The following SEMA6D variants were observed in gnomAD, a reference collection of about 807,000 sequenced individuals.
The protein encoded by SEMA6D is semaphorin 6D, also known as semaphorin-6D.
A neutral mutation model predicts 106.6 loss-of-function variants in SEMA6D; 35 were observed. That is an observed-to-expected ratio of 0.33 (90% CI 0.25 to 0.44). The LOEUF is 0.44. Ranked by LOEUF, SEMA6D falls within the 20% of genes least tolerant of loss-of-function variation. The pLI, the probability that SEMA6D is intolerant of heterozygous loss-of-function variation, is 1.00. For missense variants in SEMA6D, 1,185 were observed against 1,345.9 expected, an observed-to-expected ratio of 0.88 and a Z score of 1.87; for synonymous variants, 499 against 487.7, an observed-to-expected ratio of 1.02 and a Z score of -0.31.
At chr15:47,612,536 T>C (rs2076928110) in intron 4 of SEMA6D, among the ~76,000 whole-genome samples, 1 of 152,200 alleles carries the variant, frequency 6.6e-6, no homozygotes. Context: ...CTCCTTTTCA[T>C]AGTTATTACT....
intron 1 of SEMA6D, among the ~76,000 whole-genome samples, chr15:47,744,453 T>A (rs73394846): frequency 0.025 from 3,842 of 151,964 alleles, 177 homozygotes; most frequent in African/African-American, 0.089. Context: ...TCCTACAATT[T>A]AAAAAAGATA....
intron 1 of SEMA6D, among the ~76,000 whole-genome samples, chr15:47,288,892 T>A (rs567016994): frequency 6.6e-6 from 1 of 152,322 alleles, no homozygotes; most frequent in Admixed American, 6.5e-5. Flanking sequence ...ATTGGGAGCA[T>A]ACTAATGCTT....
At chr15:47,282,395 A>G (rs528377311) in intron 1 of SEMA6D, among the ~76,000 whole-genome samples, 12 of 152,298 alleles carry the variant, frequency 7.9e-5, no homozygotes, top group African/African-American at 2.6e-4. Flanking sequence ...ATAGAATACT[A>G]TACAGCAGGG....
chr15:47,644,599 G>A (rs140346204), intron 4 of SEMA6D, among the ~76,000 whole-genome samples: 1,607 of 152,306 alleles, frequency 0.011, 18 homozygotes, highest in South Asian at 0.045. Flanking sequence ...CTTGATGGAG[G>A]GAGTAGCTTG....
intron 1 of SEMA6D, among the ~76,000 whole-genome samples, chr15:47,345,062 A>G (rs1395005403): frequency 6.6e-6 from 1 of 152,186 alleles, no homozygotes; most frequent in African/African-American, 2.4e-5. Context: ...ATATTGCTAA[A>G]GGAAATTAAA....
chr15:47,324,772 G>A lies in SEMA6D; in HGVS notation c.-238-87621G>A, dbSNP rs141101351. On this transcript the variant is annotated intron_variant, in intron 1 of 19. Coordinates refer to the SEMA6D transcript ENST00000558014. ...CGTGTGTATATATATAGTAATGTACGCTATTATACATGTGTATGTGTTTAT... is the reference window on the plus strand; with the variant it reads ...CGTGTGTATATATATAGTAATGTACACTATTATACATGTGTATGTGTTTAT... 6.9e-4 allele frequency among the ~76,000 whole-genome samples: 105 copies of A among 151,344 alleles called. 1 individual carries two copies. The highest frequency in any genetic ancestry group is 2.9e-3 in the Admixed American group (44 of 15,174).
chr15:47,459,180 G>A (rs8032515), intron 2 of SEMA6D, among the ~76,000 whole-genome samples: 55 of 152,198 alleles, frequency 3.6e-4, no homozygotes, highest in African/African-American at 1.3e-3. Context: ...TAGGCTTGAT[G>A]AATTGAGTGA....
At position 47,348,723 on chromosome 15, in the gene SEMA6D, C is replaced by CAGAG. The variant is rs1258338355; in HGVS notation, c.-238-63669_-238-63668insGAGA. ...CACACACACACACACACACACCACA[C>CAGAG]ACACAGAGAGAGAGAGAGAGAGAGA... On this transcript the variant is annotated intron_variant, in intron 1 of 19. Coordinates refer to the SEMA6D transcript ENST00000558014. Among the ~76,000 whole-genome samples, 216 of 45,548 alleles carry CAGAG rather than the reference C, an allele frequency of 4.7e-3. 9 individuals are homozygous for CAGAG. The highest frequency in any genetic ancestry group is 0.01 in the Middle Eastern group (1 of 96). The allele number at this position is 45,548 out of a possible 152,430, so 29.9% of individuals were successfully genotyped here. A position where few individuals can be genotyped will look rare whatever the true frequency, so the allele number is the denominator to read the frequency against.
intron 3 of SEMA6D, among the ~76,000 whole-genome samples, chr15:47,588,860 G>A (rs902071493): frequency 2.6e-5 from 4 of 152,152 alleles, no homozygotes; most frequent in African/African-American, 9.7e-5. Context: ...TTCTCGATCA[G>A]GGCAGTTTGT....
At chr15:47,606,802 C>T (rs1162348816) in intron 4 of SEMA6D, among the ~76,000 whole-genome samples, 1 of 152,182 alleles carries the variant, frequency 6.6e-6, no homozygotes, top group African/African-American at 2.4e-5. Flanking sequence ...CACATGTGAG[C>T]TGTTGAAACA....
At chr15:47,309,714 C>T (rs2036371175) in intron 1 of SEMA6D, among the ~76,000 whole-genome samples, 1 of 152,164 alleles carries the variant, frequency 6.6e-6, no homozygotes, top group African/African-American at 2.4e-5. Flanking sequence ...ACCTAGCCTA[C>T]CTTAAGCATG....
intron 1 of SEMA6D, among the ~76,000 whole-genome samples, chr15:47,722,443 G>A (rs760824845): frequency 1.3e-5 from 2 of 152,150 alleles, no homozygotes; most frequent in Non-Finnish European, 2.9e-5. Context: ...TACTAGTGCC[G>A]AAACTTTCTG....
intron 2 of SEMA6D, among the ~76,000 whole-genome samples, chr15:47,466,677 C>G (rs559855130): frequency 6.6e-6 from 1 of 150,804 alleles, no homozygotes; most frequent in African/African-American, 2.4e-5. Flanking sequence ...GAATATATAC[C>G]GAGAAGTGGA....
chr15:47,728,038 T>C (rs1438507707), intron 1 of SEMA6D, among the ~76,000 whole-genome samples: 5 of 152,240 alleles, frequency 3.3e-5, no homozygotes, highest in African/African-American at 1.2e-4. Context: ...ATCATTTGGC[T>C]TTATCATTTT....
At chr15:47,261,894 C>G (rs1275720154) in intron 1 of SEMA6D, among the ~76,000 whole-genome samples, 3 of 147,446 alleles carry the variant, frequency 2.0e-5, no homozygotes, top group African/African-American at 8.1e-5. Context: ...TATGAATATA[C>G]CATATTTTGC....
At chr15:47,514,893 C>T (rs576216969) in intron 3 of SEMA6D, among the ~76,000 whole-genome samples, 4 of 152,290 alleles carry the variant, frequency 2.6e-5, no homozygotes, top group Admixed American at 6.5e-5. Flanking sequence ...AGCTCAGCCT[C>T]AGACCAAGTG....
chr15:47,721,485 A>G (rs990175470), intron 1 of SEMA6D, among the ~76,000 whole-genome samples: 1 of 152,192 alleles, frequency 6.6e-6, no homozygotes, highest in Non-Finnish European at 1.5e-5. Context: ...TTGGGGAAAA[A>G]AAAAGTGTTC....
At chr15:47,599,691 T>C (rs988760338) in intron 3 of SEMA6D, among the ~76,000 whole-genome samples, 2 of 152,064 alleles carry the variant, frequency 1.3e-5, no homozygotes, top group Non-Finnish European at 2.9e-5. Context: ...TTTTCTTGTA[T>C]TTTTGAAATT....
intron 1 of SEMA6D, among the ~76,000 whole-genome samples, chr15:47,279,892 G>A (rs993745738): frequency 4.0e-5 from 6 of 150,192 alleles, no homozygotes; most frequent in Admixed American, 2.0e-4. Flanking sequence ...TGATCATGGT[G>A]GATAAGCTTT....
Sources: allele counts gnomAD v4.1 joint callset (sites outside exome capture counted in the v4.1 genomes callset), GRCh38; gene constraint gnomAD v4.1.1; transcripts MANE v1.5; gene names NCBI Gene and HGNC (gene_info 2026-07-23, HGNC 2026-07-21).